The following DUSP11 variants were observed in gnomAD, a reference collection of about 807,000 sequenced individuals.
DUSP11 encodes the protein RNA/RNP complex-1-interacting phosphatase.
A neutral mutation model predicts 41.4 loss-of-function variants in DUSP11; 27 were observed. The ratio of observed to expected loss-of-function variants is 0.65; its 90% CI spans 0.48 to 0.90. The LOEUF is 0.90. Among genes scored for constraint, DUSP11 ranks in the 40% least tolerant of loss-of-function variants. The pLI, the probability that DUSP11 is intolerant of heterozygous loss-of-function variation, is 0.00. For missense variants in DUSP11, 465 were observed against 461.1 expected (o/e 1.01, Z -0.08); for synonymous variants, 188 against 159.3 (o/e 1.18, Z -1.35).
chr2:73,779,595 C>G, intron 1 of DUSP11: 1 of 508,270 alleles, frequency 2.0e-6, no homozygotes, highest in Non-Finnish European at 3.5e-6. Context: ...GGAGTGTCCC[C>G]AACAGTAACA....
At chr2:73,780,138 C>G in exon 1 of DUSP11, 1 of 1,551,966 alleles carries the variant, frequency 6.4e-7, no homozygotes, top group Non-Finnish European at 8.7e-7. Flanking sequence ...GTCGTGATGG[C>G]GTAGCCACGC....
At chr2:73,771,088 G>A (rs986355974) in intron 4 of DUSP11, among the ~76,000 whole-genome samples, 2 of 152,054 alleles carry the variant, frequency 1.3e-5, no homozygotes, top group Non-Finnish European at 2.9e-5. Context: ...CCTTTATCAT[G>A]TTTTGTTATT....
chr2:73,772,020 C>T (rs1192105810), intron 4 of DUSP11, among the ~76,000 whole-genome samples: 4 of 151,372 alleles, frequency 2.6e-5, no homozygotes, highest in Admixed American at 6.6e-5. Flanking sequence ...TGGGGTTTCA[C>T]CGTGTTAGCC....
At chr2:73,766,333 C>A in intron 8 of DUSP11, 85 bp downstream of exon 8, 6 of 1,205,488 alleles carry the variant, frequency 5.0e-6, no homozygotes, top group Non-Finnish European at 6.9e-6. Context: ...ACGAAGAATT[C>A]CTCATCAGTA....
intron 4 of DUSP11, among the ~76,000 whole-genome samples, chr2:73,773,077 G>A (rs1332071312): frequency 6.6e-6 from 1 of 152,144 alleles, no homozygotes; most frequent in African/African-American, 2.4e-5. Flanking sequence ...CTGGCAGAGA[G>A]ATGCCAGAAA....
rs771266336 is a variant in DUSP11 at position 73,774,894 on chromosome 2, A to C, written c.450+19T>G. ...GATCAGAAGGAAGAAAGTTCTTTTC[A>C]TTGAAGGGTTCCACTTACCTCTGGT... On this transcript the variant is annotated intron_variant, in intron 3 of 8. Transcript: ENST00000272444. The C allele has an allele frequency of 6.6e-7, 1 of 1,509,674 alleles. No homozygotes were observed. Among genetic ancestry groups the C allele is most frequent in the South Asian group, 1.4e-5 (1 of 73,670 alleles). The allele number at this position is 1,509,674 out of a possible 1,614,324, so 93.5% of individuals were successfully genotyped here. A position where few individuals can be genotyped will look rare whatever the true frequency, so the allele number is the denominator to read the frequency against.
At chr2:73,767,092 A>C in intron 6 of DUSP11, 69 bp downstream of exon 6, 1 of 1,483,938 alleles carries the variant, frequency 6.7e-7, no homozygotes, top group Non-Finnish European at 9.3e-7. Context: ...CCAAAATTTG[A>C]TAAATTCTTC....
At chr2:73,762,634 C>T in exon 9 of DUSP11, 2 of 1,574,014 alleles carry the variant, frequency 1.3e-6, no homozygotes, top group Non-Finnish European at 1.7e-6. Flanking sequence ...CTCTGGTCTC[C>T]AGGTAGAATT....
intron 4 of DUSP11, among the ~76,000 whole-genome samples, chr2:73,769,619 C>A (rs1340297833): frequency 1.3e-5 from 2 of 152,078 alleles, no homozygotes; most frequent in Non-Finnish European, 2.9e-5. Flanking sequence ...TTTAATTATA[C>A]AAAAAGGGAG....
At chr2:73,768,388 C>T (rs749570979) in intron 5 of DUSP11, 34 of 935,056 alleles carry the variant, frequency 3.6e-5, no homozygotes, top group Middle Eastern at 5.5e-4. Context: ...TTTGCTAACA[C>T]GCAGCACACT....
exon 7 of DUSP11, chr2:73,766,840 C>T (rs1489905047): frequency 1.9e-6 from 3 of 1,612,232 alleles, no homozygotes; most frequent in Admixed American, 1.7e-5. Flanking sequence ...TCTGATAGGA[C>T]CATTCTGAAG....
At chr2:73,767,427 T>C (rs1672486631) in intron 5 of DUSP11, 4 of 422,236 alleles carry the variant, frequency 9.5e-6, no homozygotes, top group Non-Finnish European at 1.7e-5. Context: ...TCTATTTATA[T>C]ATTTATTTAC....
At chr2:73,762,649 G>A in exon 9 of DUSP11, 1 of 1,600,530 alleles carries the variant, frequency 6.2e-7, no homozygotes, top group Non-Finnish European at 8.5e-7. Flanking sequence ...AGAATTCCAG[G>A]ACAGGTTTGT....
chr2:73,774,640 C>G (rs938515891), intron 3 of DUSP11, among the ~76,000 whole-genome samples: 2 of 152,128 alleles, frequency 1.3e-5, no homozygotes, highest in Non-Finnish European at 2.9e-5. Flanking sequence ...TATATTTGTC[C>G]TTCTGTGTCT....
exon 3 of DUSP11, chr2:73,774,964 T>C (rs1207492710): frequency 6.2e-7 from 1 of 1,612,194 alleles, no homozygotes; most frequent in Non-Finnish European, 8.5e-7. Context: ...TCAGTCCAAG[T>C]TCTTCATTTT....
Position 73,774,980 on chromosome 2 carries a change from CG to C in DUSP11, c.382del (p.Arg128GlufsTer9). The C allele has an allele frequency of 6.2e-7, 1 of 1,612,076 alleles. No homozygotes were observed. The highest frequency in any genetic ancestry group is 8.5e-7 in the Non-Finnish European group (1 of 1,178,650). ...CAGTCCAAGTTCTTCATTTTGTTCTCGGATTTTGTTAAAAAGATCCAAAGGG... is the reference window on the plus strand; with the variant it reads ...CAGTCCAAGTTCTTCATTTTGTTCTCGATTTTGTTAAAAAGATCCAAAGGG... On this transcript the variant is annotated frameshift_variant, in exon 3 of 9. Transcript: ENST00000272444. LOFTEE classifies it high-confidence loss of function.
intron 5 of DUSP11, chr2:73,767,455 A>T (rs982553438): frequency 2.9e-6 from 1 of 343,290 alleles, no homozygotes; most frequent in African/African-American, 2.1e-5. Context: ...TAATTTAATA[A>T]ACAAAAGGAA....
chr2:73,766,288 G>A (rs1350267252), intron 8 of DUSP11, 130 bp downstream of exon 8: 2 of 839,072 alleles, frequency 2.4e-6, no homozygotes, highest in East Asian at 5.6e-5. Context: ...CAGCCTGGAT[G>A]ACAGAGCGAG....
intron 5 of DUSP11, chr2:73,767,866 C>T (rs1023802464): frequency 6.6e-6 from 1 of 152,296 alleles, no homozygotes; most frequent in Non-Finnish European, 1.5e-5. Context: ...ATTCTCCACT[C>T]AGCAGCAAAA....
Sources: allele counts gnomAD v4.1 joint callset (sites outside exome capture counted in the v4.1 genomes callset), GRCh38; gene constraint gnomAD v4.1.1; transcripts MANE v1.5; gene names NCBI Gene and HGNC (gene_info 2026-07-23, HGNC 2026-07-21).